Variants in C11orf65 observed in about 807,000 individuals in gnomAD.
C11orf65 encodes the protein protein MFI.
C11orf65 carries 38 observed loss-of-function variants against 35.3 expected under a neutral mutation model. That is an observed-to-expected ratio of 1.08 (90% CI 0.83 to 1.41). C11orf65 has a LOEUF of 1.41. Among genes scored for constraint, C11orf65 ranks in the 40% most tolerant of loss-of-function variants. The probability of loss-of-function intolerance (pLI) is 0.00; values close to 1 mark genes in which losing one functional copy is unlikely to be tolerated. For synonymous variants in C11orf65, 105 were observed against 114.4 expected (o/e 0.92, Z 0.53); for missense variants, 370 against 367.1 (o/e 1.01, Z -0.06).
chr11:108,311,762 C>A (rs1288199652), intron 6 of C11orf65, among the ~76,000 whole-genome samples: 1 of 151,784 alleles, frequency 6.6e-6, no homozygotes, highest in African/African-American at 2.4e-5. Flanking sequence ...GAGGCAGTAT[C>A]ACTTATGATA....
intron 6 of C11orf65, chr11:108,312,605 T>G: frequency 3.7e-6 from 3 of 811,232 alleles, no homozygotes; most frequent in Non-Finnish European, 6.2e-6. Context: ...CTGAATTTAC[T>G]TACTGGACTA....
At chr11:108,452,412 C>T (rs2093360493) in intron 2 of C11orf65, among the ~76,000 whole-genome samples, 1 of 152,202 alleles carries the variant, frequency 6.6e-6, no homozygotes, top group Admixed American at 6.5e-5. Flanking sequence ...CTCATCATCA[C>T]TGGCCATCAG....
chr11:108,336,700 G>A (rs1338409828), intron 2 of C11orf65, among the ~76,000 whole-genome samples: 1 of 152,186 alleles, frequency 6.6e-6, no homozygotes, highest in Non-Finnish European at 1.5e-5. Context: ...GGATTGCTGG[G>A]TTAGAGGATA....
rs1309067677 is a variant in C11orf65 at position 108,362,333 on chromosome 11, C to A, written c.227-27041G>T. On this transcript the variant is annotated intron_variant, in intron 2 of 3. Coordinates refer to the C11orf65 transcript ENST00000524755. Reference sequence around the variant, plus strand: ...GGAGAGGATGTGGAGAAATAGGAACCCTTTTACACTGTTGGTGGGACTGTA... The same window carrying A: ...GGAGAGGATGTGGAGAAATAGGAACACTTTTACACTGTTGGTGGGACTGTA... Among the ~76,000 whole-genome samples the A allele has an allele frequency of 3.0e-3, 448 of 150,524 alleles. 2 individuals carry two copies. Among genetic ancestry groups the A allele is most frequent in the Admixed American group, 0.024 (346 of 14,398 alleles).
intron 2 of C11orf65, among the ~76,000 whole-genome samples, chr11:108,364,919 A>T (rs1194831531): frequency 6.6e-6 from 1 of 152,264 alleles, no homozygotes; most frequent in Non-Finnish European, 1.5e-5. Context: ...GCATTATGCT[A>T]GGATAGTTTC....
At chr11:108,386,736 G>A (rs931372391) in intron 7 of C11orf65, among the ~76,000 whole-genome samples, 44 of 152,136 alleles carry the variant, frequency 2.9e-4, no homozygotes, top group Non-Finnish European at 1.5e-4. Flanking sequence ...TCAGGATTTG[G>A]TTACAGTAGG....
chr11:108,331,167 T>C, downstream of C11orf65: 2 of 1,127,316 alleles, frequency 1.8e-6, no homozygotes, highest in South Asian at 4.9e-5. Flanking sequence ...TTGTCTTCCT[T>C]AGATTTTTTG....
At chr11:108,433,428 A>C (rs992444031) in intron 2 of C11orf65, among the ~76,000 whole-genome samples, 1 of 151,846 alleles carries the variant, frequency 6.6e-6, no homozygotes, top group Non-Finnish European at 1.5e-5. Flanking sequence ...AATACAAAAA[A>C]AATTAGTTAG....
rs559824471 is a variant in C11orf65 at position 108,399,202 on chromosome 11, G to A, written c.561-5824C>T. ...CATCTTGTCCATCTGATTACCAAGA[G>A]CTGTCTGCCTCATATAAGCCCTTTG... On this transcript the variant is annotated intron_variant, in intron 6 of 8. Coordinates refer to ENST00000393084, the MANE Select transcript of C11orf65 (RefSeq NM_152587.5). Among the ~76,000 whole-genome samples the A allele has an allele frequency of 7.1e-4, 108 of 152,290 alleles. 1 individual carries two copies. The highest frequency in any genetic ancestry group is 2.5e-3 in the African/African-American group (102 of 41,564).
intron 2 of C11orf65, chr11:108,340,323 GATGTC>G (rs1190219604): frequency 3.3e-5 from 5 of 152,112 alleles, no homozygotes; most frequent in Non-Finnish European, 5.9e-5. Context: ...TTTAAAGCAA[GATGTC>G]ATATCATTTC....
At chr11:108,379,869 G>T (rs1399796767), downstream of C11orf65, among the ~76,000 whole-genome samples, 2 of 152,050 alleles carry the variant, frequency 1.3e-5, no homozygotes, top group African/African-American at 4.8e-5. Context: ...AATAGTCATG[G>T]ATATAATTTC....
At chr11:108,455,342 A>G (rs946861217) in intron 2 of C11orf65, among the ~76,000 whole-genome samples, 1 of 152,220 alleles carries the variant, frequency 6.6e-6, no homozygotes, top group African/African-American at 2.4e-5. Flanking sequence ...TATACAGAAG[A>G]CCTTAAAGAC....
At chr11:108,358,698 C>T (rs1260398157) in intron 2 of C11orf65, among the ~76,000 whole-genome samples, 1 of 149,784 alleles carries the variant, frequency 6.7e-6, no homozygotes, top group Non-Finnish European at 1.5e-5. Context: ...CCAAACTAAG[C>T]TTCATCAGTG....
intron 7 of C11orf65, among the ~76,000 whole-genome samples, chr11:108,389,927 C>G (rs1388718472): frequency 6.6e-6 from 1 of 152,032 alleles, no homozygotes; most frequent in African/African-American, 2.4e-5. Flanking sequence ...ATCTCCTGAC[C>G]TCAAGATCCG....
intron 6 of C11orf65, among the ~76,000 whole-genome samples, chr11:108,398,944 A>G (rs2092380398): frequency 6.6e-6 from 1 of 152,166 alleles, no homozygotes; most frequent in African/African-American, 2.4e-5. Flanking sequence ...GGAATGGTCT[A>G]TTTTAATCAG....
chr11:108,327,071 A>G (rs1591138288), downstream of C11orf65, among the ~76,000 whole-genome samples: 2 of 151,698 alleles, frequency 1.3e-5, no homozygotes, highest in Middle Eastern at 6.8e-3. Flanking sequence ...CAGGCAATCT[A>G]CCCGCCTTGT....
At chr11:108,413,758 CAGAG>C (rs533065020) in intron 3 of C11orf65, among the ~76,000 whole-genome samples, 191 of 152,144 alleles carry the variant, frequency 1.3e-3, no homozygotes, top group Non-Finnish European at 2.2e-3. Context: ...AAATCAGTAA[CAGAG>C]AGATAACTGG....
At chr11:108,433,620 C>A (rs1381907526) in intron 2 of C11orf65, among the ~76,000 whole-genome samples, 2 of 123,484 alleles carry the variant, frequency 1.6e-5, no homozygotes, top group African/African-American at 2.9e-5. Flanking sequence ...AAAAAAAGTA[C>A]CAAAGACAGA....
chr11:108,335,795 T>C lies in C11orf65; in HGVS notation c.227-503A>G, dbSNP rs762648668. On this transcript the variant is annotated intron_variant, in intron 2 of 3. Transcript: ENST00000524755. ...GCTATTCTCAGATGACTCTGTGTTTTTATAATAAAATAAACTGTACTTGTT... is the reference window on the plus strand; with the variant it reads ...GCTATTCTCAGATGACTCTGTGTTTCTATAATAAAATAAACTGTACTTGTT... 1.4e-5 allele frequency: 21 copies of C among 1,478,184 alleles called. No homozygotes were observed. Among genetic ancestry groups the C allele is most frequent in the Non-Finnish European group, 1.9e-5 (20 of 1,061,892 alleles). 91.6% of individuals were successfully genotyped at this position (1,478,184 alleles called of 1,614,324 possible).
Sources: gnomAD v4.1 joint callset for allele counts (sites outside exome capture counted in the v4.1 genomes callset) on GRCh38, gnomAD v4.1.1 for gene constraint, MANE v1.5 for transcripts, NCBI Gene and HGNC (gene_info 2026-07-23, HGNC 2026-07-21) for gene names.